The following HHLA2 variants were observed in gnomAD, a reference collection of about 807,000 sequenced individuals.
HHLA2 encodes HERV-H LTR-associating protein 2.
HHLA2 carries 48 observed loss-of-function variants against 45.9 expected under a neutral mutation model. The ratio of observed to expected loss-of-function variants is 1.05; its 90% CI spans 0.83 to 1.33. The LOEUF is 1.33. HHLA2 is among the 40% of genes most tolerant of loss of function. The pLI is 0.00. For missense variants in HHLA2, 462 were observed against 494.3 expected (o/e 0.93, Z 0.62); for synonymous variants, 161 against 173.9 (o/e 0.93, Z 0.59).
At chr3:108,308,555 G>A (rs748217849) in intron 1 of HHLA2, among the ~76,000 whole-genome samples, 2 of 152,168 alleles carry the variant, frequency 1.3e-5, no homozygotes, top group Admixed American at 6.5e-5. Flanking sequence ...GGATCATACA[G>A]TAGTTCAATT....
intron 2 of HHLA2, among the ~76,000 whole-genome samples, chr3:108,314,168 C>T (rs998469598): frequency 6.6e-6 from 1 of 152,010 alleles, no homozygotes; most frequent in Non-Finnish European, 1.5e-5. Flanking sequence ...AGCAAGCTGG[C>T]AATCTGTTGT....
rs532960481 is a variant in HHLA2, at chr3:108,358,921, G to A, written c.1003+760G>A. Reference sequence around the variant, plus strand: ...ACATTTGAAGTTTTGGTGATTCTACGTAGTGAGATTTGGAGACAAGAGCAC... The same window carrying A: ...ACATTTGAAGTTTTGGTGATTCTACATAGTGAGATTTGGAGACAAGAGCAC... On this transcript the variant is annotated intron_variant, in intron 7 of 10. Coordinates refer to ENST00000619531, the Ensembl canonical transcript of HHLA2. Among the ~76,000 whole-genome samples, 50 of 152,272 alleles carry A rather than the reference G, an allele frequency of 3.3e-4. 3 individuals are homozygous for A. The South Asian group carries it at 6.6e-3, about 20-fold the overall frequency.
intron 8 of HHLA2, among the ~76,000 whole-genome samples, chr3:108,363,839 A>G (rs2082018477): frequency 6.6e-6 from 1 of 152,210 alleles, no homozygotes; most frequent in Non-Finnish European, 1.5e-5. Flanking sequence ...CTTATGAGAC[A>G]GTATATTCAT....
chr3:108,357,953 T>C (rs2081924852), exon 7 of HHLA2: 4 of 1,613,894 alleles, frequency 2.5e-6, no homozygotes, highest in Non-Finnish European at 3.4e-6. Flanking sequence ...GAATGAAAAG[T>C]GGGACTTTCT....
At chr3:108,376,639 A>G (rs1255154975) in intron 10 of HHLA2, 82 bp downstream of exon 9, 2 of 1,204,404 alleles carry the variant, frequency 1.7e-6, no homozygotes, top group Non-Finnish European at 2.4e-6. Flanking sequence ...TGACTGATTC[A>G]CATATCATCA....
chr3:108,334,564 G>T (rs2081440030), intron 3 of HHLA2, among the ~76,000 whole-genome samples: 1 of 152,160 alleles, frequency 6.6e-6, no homozygotes, highest in Non-Finnish European at 1.5e-5. Flanking sequence ...TCAGAAAGTT[G>T]CCAAGGATAG....
intron 1 of HHLA2, among the ~76,000 whole-genome samples, chr3:108,300,611 C>G (rs1026503717): frequency 6.6e-6 from 1 of 152,084 alleles, no homozygotes; most frequent in African/African-American, 2.4e-5. Flanking sequence ...TGAGGTCAGG[C>G]CTGAAACATC....
At chr3:108,364,040 T>C (rs2082023813) in intron 8 of HHLA2, among the ~76,000 whole-genome samples, 2 of 152,030 alleles carry the variant, frequency 1.3e-5, no homozygotes, top group African/African-American at 2.4e-5. Context: ...GTTTGTTACA[T>C]AGGTATACAT....
chr3:108,323,230 G>A (rs1576117677), intron 2 of HHLA2, among the ~76,000 whole-genome samples: 1 of 152,144 alleles, frequency 6.6e-6, no homozygotes, highest in Non-Finnish European at 1.5e-5. Context: ...GGCGGCTATA[G>A]TCAATAACTT....
At chr3:108,342,034 T>A (rs1013359453) in intron 3 of HHLA2, among the ~76,000 whole-genome samples, 3 of 152,094 alleles carry the variant, frequency 2.0e-5, no homozygotes, top group Admixed American at 2.0e-4. Context: ...GCTCATCTCA[T>A]TTACCTTTCT....
At position 108,355,370 on chromosome 3, in the gene HHLA2, G is replaced by A. The variant is rs769640044; in HGVS notation, c.674G>A (p.Trp225Ter). ...CTGAAGCAAACATGGACAGGGCGCT[G>A]GACGATGAAAGGTAGGCTCCACAGG... Residue 225 changes from tryptophan to a stop codon, truncating the protein, a stop_gained, in exon 6 of 11, where the codon TGG becomes TAG. Transcript: ENST00000619531. LOFTEE classifies it high-confidence loss of function. 4 of 1,612,646 alleles carry A rather than the reference G, an allele frequency of 2.5e-6. No individual in the cohort carries two copies. In the African/African-American group the frequency reaches 4.0e-5, roughly 16 times the overall value.
At chr3:108,323,020 T>C (rs1296717005) in intron 2 of HHLA2, among the ~76,000 whole-genome samples, 14 of 152,176 alleles carry the variant, frequency 9.2e-5, no homozygotes. Context: ...CATTTTTCTC[T>C]AGTTTCCAAA....
chr3:108,363,039 C>G (rs2082006596), intron 8 of HHLA2, among the ~76,000 whole-genome samples: 1 of 152,114 alleles, frequency 6.6e-6, no homozygotes, highest in South Asian at 2.1e-4. Context: ...TGGGTCATTT[C>G]ATTTTAATTG....
intron 7 of HHLA2, among the ~76,000 whole-genome samples, chr3:108,360,410 G>T (rs1192646433): frequency 6.6e-6 from 1 of 152,130 alleles, no homozygotes; most frequent in Admixed American, 6.6e-5. Flanking sequence ...CTCAATATAT[G>T]ATTTTTCATA....
At chr3:108,365,948 C>T (rs954887437) in intron 8 of HHLA2, among the ~76,000 whole-genome samples, 2 of 152,164 alleles carry the variant, frequency 1.3e-5, no homozygotes, top group African/African-American at 4.8e-5. Flanking sequence ...ATTTGACTTC[C>T]TCCGTTCCTA....
Position 108,336,589 on chromosome 3 carries a change from A to G in HHLA2, c.-27+8242A>G, listed in dbSNP as rs147987567. On this transcript the variant is annotated intron_variant, in intron 3 of 10. Transcript: ENST00000619531. ...GACAACAAATGGCAGAAAGTGGGAT[A>G]CTGTGTTGGCTGAGGTGACTGACCT... 2.4e-3 allele frequency among the ~76,000 whole-genome samples: 368 copies of G among 152,280 alleles called. 2 individuals carry two copies. Among genetic ancestry groups the G allele is most frequent in the African/African-American group, 8.4e-3 (351 of 41,550 alleles).
Position 108,303,767 on chromosome 3 carries a change from G to A in HHLA2, c.-191-6888G>A, listed in dbSNP as rs142814267. On this transcript the variant is annotated intron_variant, in intron 1 of 10. Coordinates refer to ENST00000619531, the Ensembl canonical transcript of HHLA2. ...CAGTTTTTTATTTTGCCCAGTTAGT[G>A]GCCAGGTAATTAAATCAGTTCTGAC... Among the ~76,000 whole-genome samples, 1,138 of 152,122 alleles carry A rather than the reference G, an allele frequency of 7.5e-3. 14 individuals are homozygous for A. Among genetic ancestry groups the A allele is most frequent in the African/African-American group, 0.026 (1,077 of 41,504 alleles).
chr3:108,351,192 T>C (rs1265664166), intron 3 of HHLA2, among the ~76,000 whole-genome samples: 1 of 152,224 alleles, frequency 6.6e-6, no homozygotes, highest in Non-Finnish European at 1.5e-5. Context: ...TTTTGAAACA[T>C]GCTTTGTAAC....
At chr3:108,333,204 G>A (rs922571464) in intron 3 of HHLA2, among the ~76,000 whole-genome samples, 4 of 152,124 alleles carry the variant, frequency 2.6e-5, no homozygotes, top group Non-Finnish European at 4.4e-5. Context: ...GAAGCATCCC[G>A]ACTTCATAAA....
Sources: allele counts gnomAD v4.1 joint callset (sites outside exome capture counted in the v4.1 genomes callset), GRCh38; gene constraint gnomAD v4.1.1; transcripts MANE v1.5; gene names NCBI Gene and HGNC (gene_info 2026-07-23, HGNC 2026-07-21).